Variants in FGD4 observed in about 807,000 individuals in gnomAD.
FGD4 encodes the protein FYVE, RhoGEF and PH domain-containing protein 4.
A neutral mutation model predicts 102.0 loss-of-function variants in FGD4; 42 were observed. That is an observed-to-expected ratio of 0.41 (90% CI 0.32 to 0.53). FGD4 has a LOEUF of 0.53. FGD4 is among the 20% of genes least tolerant of loss of function. FGD4 has a pLI of 0.21. For missense variants in FGD4, 902 were observed against 1,078.2 expected, an observed-to-expected ratio of 0.84 and a Z score of 2.29; for synonymous variants, 380 against 375.7, an observed-to-expected ratio of 1.01 and a Z score of -0.13.
At chr12:32,610,881 C>T in intron 9 of FGD4, 47 bp downstream of exon 9, 1 of 1,560,374 alleles carries the variant, frequency 6.4e-7, no homozygotes, top group Non-Finnish European at 8.8e-7. Context: ...AGACAATTAT[C>T]AATAATACTG....
At chr12:32,559,344 A>G (rs1055806203) in intron 1 of FGD4, among the ~76,000 whole-genome samples, 1 of 152,064 alleles carries the variant, frequency 6.6e-6, no homozygotes, top group Non-Finnish European at 1.5e-5. Context: ...TGGTCCGTAC[A>G]TTTTTTTCCT....
intron 1 of FGD4, among the ~76,000 whole-genome samples, chr12:32,543,756 A>G (rs1333366191): frequency 6.6e-6 from 1 of 152,084 alleles, no homozygotes; most frequent in African/African-American, 2.4e-5. Flanking sequence ...CCTCCCAAGT[A>G]GCTGGGACTA....
chr12:32,430,089 C>A (rs1293156421), intron 1 of FGD4, among the ~76,000 whole-genome samples: 1 of 152,146 alleles, frequency 6.6e-6, no homozygotes, highest in Non-Finnish European at 1.5e-5. Context: ...AGGCAGATCA[C>A]CTGAGGTCAG....
intron 1 of FGD4, among the ~76,000 whole-genome samples, chr12:32,518,887 G>GGC (rs1940191615): frequency 6.6e-6 from 1 of 151,848 alleles, no homozygotes; most frequent in South Asian, 2.1e-4. Flanking sequence ...GGCCGAGGCA[G>GGC]GCAGATCACC....
chr12:32,584,070 T>G (rs562496154), intron 4 of FGD4, among the ~76,000 whole-genome samples: 2 of 152,356 alleles, frequency 1.3e-5, no homozygotes, highest in South Asian at 4.1e-4. Flanking sequence ...CTTACCTCTT[T>G]GGGAGAGATT....
intron 1 of FGD4, among the ~76,000 whole-genome samples, chr12:32,470,498 C>A (rs1473899269): frequency 7.6e-6 from 1 of 131,010 alleles, no homozygotes; most frequent in Admixed American, 8.6e-5. Flanking sequence ...CAGTCTTGCT[C>A]TGTTGCCTAG....
At chr12:32,442,931 G>A (rs935272794) in intron 1 of FGD4, among the ~76,000 whole-genome samples, 15 of 152,132 alleles carry the variant, frequency 9.9e-5, no homozygotes, top group African/African-American at 3.4e-4. Flanking sequence ...GTGTTTCTCT[G>A]ATTAATGATG....
chr12:32,433,783 A>G (rs1358717220), intron 1 of FGD4, among the ~76,000 whole-genome samples: 1 of 152,176 alleles, frequency 6.6e-6, no homozygotes, highest in Admixed American at 6.5e-5. Context: ...GTATCATGGG[A>G]TGCAATGAAA....
At chr12:32,438,067 G>T (rs1289373604) in intron 1 of FGD4, among the ~76,000 whole-genome samples, 1 of 152,154 alleles carries the variant, frequency 6.6e-6, no homozygotes, top group Non-Finnish European at 1.5e-5. Flanking sequence ...AATTTCTATA[G>T]TTTTAGTAGA....
chr12:32,422,288 CTTTTTTTTTTTTTT>C (rs770560590), intron 1 of FGD4, among the ~76,000 whole-genome samples: 7 of 54,174 alleles, frequency 1.3e-4, no homozygotes, highest in South Asian at 7.8e-4. Context: ...TTGGGAGCTG[CTTTTTTTTTTTTTT>C]TTTTTTTTTT....
chr12:32,562,419 A>T (rs1304203921), intron 1 of FGD4, among the ~76,000 whole-genome samples: 1 of 152,032 alleles, frequency 6.6e-6, no homozygotes, highest in Middle Eastern at 3.4e-3. Context: ...AACTTATTTT[A>T]TTTTTCTTTT....
rs1272369570 is a variant in FGD4, at chr12:32,500,391, A to ATTTTT, written c.167-63745_167-63741dup. 4.9e-3 allele frequency among the ~76,000 whole-genome samples: 632 copies of ATTTTT among 129,928 alleles called. 4 individuals are homozygous for ATTTTT. The highest frequency in any genetic ancestry group is 0.016 in the African/African-American group (559 of 34,176). 85.2% of individuals were successfully genotyped at this position (129,928 alleles called of 152,430 possible). A position where few individuals can be genotyped will look rare whatever the true frequency, so the allele number is the denominator to read the frequency against. ...AGTCTTTCTGACCTTATTTTATTTT[A>ATTTTT]TTTTTATTTTATTTTATTTTATTTT... On this transcript the variant is annotated intron_variant, in intron 1 of 16. Transcript: ENST00000534526.
At chr12:32,417,551 A>G (rs1041693277) in intron 1 of FGD4, among the ~76,000 whole-genome samples, 3 of 151,580 alleles carry the variant, frequency 2.0e-5, no homozygotes, top group African/African-American at 7.3e-5. Flanking sequence ...TCTGCCTCCC[A>G]GGTTAAAGTG....
intron 1 of FGD4, among the ~76,000 whole-genome samples, chr12:32,453,238 T>TATATA (rs796401311): frequency 5.7e-5 from 3 of 53,078 alleles, no homozygotes; most frequent in Non-Finnish European, 1.2e-4. Context: ...TATATATATA[T>TATATA]TTTTTTTTTT....
At chr12:32,567,008 G>A (rs1043482392) in intron 2 of FGD4, among the ~76,000 whole-genome samples, 2 of 152,178 alleles carry the variant, frequency 1.3e-5, no homozygotes, top group Admixed American at 6.5e-5. Context: ...TAGCCCTCCT[G>A]TGCAAATAAC....
chr12:32,413,939 T>C (rs982069182), intron 1 of FGD4, among the ~76,000 whole-genome samples: 1 of 150,866 alleles, frequency 6.6e-6, no homozygotes, highest in Non-Finnish European at 1.5e-5. Flanking sequence ...AACTGAGAGA[T>C]AGGGGAGCGA....
At chr12:32,420,352 C>T (rs957864830) in intron 1 of FGD4, among the ~76,000 whole-genome samples, 3 of 152,156 alleles carry the variant, frequency 2.0e-5, no homozygotes, top group African/African-American at 4.8e-5. Flanking sequence ...CAAGCTCTTC[C>T]GGGCATGTCT....
intron 1 of FGD4, among the ~76,000 whole-genome samples, chr12:32,562,794 A>C (rs1046836612): frequency 2.0e-5 from 3 of 149,230 alleles, no homozygotes; most frequent in Non-Finnish European, 4.5e-5. Flanking sequence ...ACAAAATGAA[A>C]AGTCTCCCAT....
chr12:32,589,906 T>G lies in FGD4; in HGVS notation c.1011+7439T>G, dbSNP rs188036680. ...ATTGGATAGTGTGGAAGACCTAAGT[T>G]TGGGAAAATATTGGTGGTAAGTCAC... On this transcript the variant is annotated intron_variant, in intron 4 of 16. Transcript: ENST00000534526. Among the ~76,000 whole-genome samples the G allele has an allele frequency of 1.2e-3, 182 of 152,160 alleles. 1 individual carries two copies. Among genetic ancestry groups the G allele is most frequent in the African/African-American group, 4.2e-3 (173 of 41,516 alleles).
Sources: gnomAD v4.1 joint callset for allele counts (sites outside exome capture counted in the v4.1 genomes callset) on GRCh38, gnomAD v4.1.1 for gene constraint, MANE v1.5 for transcripts, NCBI Gene and HGNC (gene_info 2026-07-23, HGNC 2026-07-21) for gene names.